The following AMPD3 variants were observed in gnomAD, a reference collection of about 807,000 sequenced individuals.
AMPD3 encodes the protein AMP deaminase 3.
AMPD3 carries 57 observed loss-of-function variants against 82.3 expected under a neutral mutation model. The ratio of observed to expected loss-of-function variants is 0.69; its 90% CI spans 0.56 to 0.86. The LOEUF (loss-of-function observed/expected upper bound fraction) is 0.86. Ranked by LOEUF, AMPD3 falls within the 40% of genes least tolerant of loss-of-function variation. The pLI is 0.00. For missense variants in AMPD3, 870 were observed against 1,003.8 expected, an observed-to-expected ratio of 0.87 and a Z score of 1.80; for synonymous variants, 381 against 394.7, an observed-to-expected ratio of 0.97 and a Z score of 0.41.
intron 2 of AMPD3, among the ~76,000 whole-genome samples, chr11:10,466,445 C>T (rs1325513349): frequency 6.6e-6 from 1 of 152,058 alleles, no homozygotes; most frequent in African/African-American, 2.4e-5. Context: ...CTAGGTGGAA[C>T]CCACCGCAGC....
intron 6 of AMPD3, among the ~76,000 whole-genome samples, chr11:10,490,059 C>T (rs190747185): frequency 1.4e-3 from 210 of 152,184 alleles, no homozygotes; most frequent in Non-Finnish European, 2.6e-3. Context: ...TGATGGCCTC[C>T]GTATGTCTAA....
Position 10,501,503 on chromosome 11 carries a change from G to T in AMPD3, c.1755G>T (p.Pro585=). The change falls in exon 12 of 15, where the codon CCG becomes CCT. Residue 585 remains proline (P), a synonymous_variant. Transcript: ENST00000396553. ...ERGLSTFLFR[P]HCGEAGSITH... The stretch of plus-strand genomic sequence containing the variant: ...GCCTGAGCACGTTCCTGTTCCGGCC[G>T]CACTGTGGGGAAGCCGGCTCCATCA... 2 of 1,614,086 alleles carry T rather than the reference G, an allele frequency of 1.2e-6. No individual in the cohort carries two copies. Among genetic ancestry groups the T allele is most frequent in the Non-Finnish European group, 8.5e-7 (1 of 1,180,012 alleles).
chr11:10,476,420 G>C (rs11042831), intron 2 of AMPD3, among the ~76,000 whole-genome samples: 7,823 of 152,140 alleles, frequency 0.051, 372 homozygotes, highest in South Asian at 0.22. Flanking sequence ...GGACAAGCCT[G>C]GTAGGCTGTT....
chr11:10,501,967 G>A, intron 12 of AMPD3: 1 of 985,372 alleles, frequency 1.0e-6, no homozygotes, highest in Non-Finnish European at 1.2e-6. Context: ...TTTTGATGCT[G>A]CAACGTAATA....
chr11:10,468,761 A>G (rs1281194220), intron 2 of AMPD3, among the ~76,000 whole-genome samples: 1 of 152,212 alleles, frequency 6.6e-6, no homozygotes, highest in Non-Finnish European at 1.5e-5. Flanking sequence ...TCCTCAGCAA[A>G]CGCAAAAGAA....
At chr11:10,492,633 G>A (rs756411800) in intron 6 of AMPD3, among the ~76,000 whole-genome samples, 1 of 152,180 alleles carries the variant, frequency 6.6e-6, no homozygotes, top group African/African-American at 2.4e-5. Flanking sequence ...TCTGGGGTAG[G>A]TGCTGAAGAC....
chr11:10,476,462 A>C (rs1259112972), intron 2 of AMPD3, among the ~76,000 whole-genome samples: 1 of 101,830 alleles, frequency 9.8e-6, no homozygotes, highest in Non-Finnish European at 2.3e-5. Context: ...TTTGGGCTGT[A>C]GTGTTTTTTT....
At chr11:10,470,543 C>T (rs567051043) in intron 2 of AMPD3, among the ~76,000 whole-genome samples, 37 of 152,196 alleles carry the variant, frequency 2.4e-4, no homozygotes, top group Middle Eastern at 3.2e-3. Flanking sequence ...TTGTGGATGA[C>T]ATGATTGTAT....
At chr11:10,482,670 C>A (rs926938419) in intron 4 of AMPD3, among the ~76,000 whole-genome samples, 1 of 127,136 alleles carries the variant, frequency 7.9e-6, no homozygotes, top group African/African-American at 3.1e-5. Context: ...CACCGCCACA[C>A]CCAGCTAATT....
At chr11:10,493,803 T>C (rs1348628129) in intron 7 of AMPD3, 2 of 560,348 alleles carry the variant, frequency 3.6e-6, no homozygotes, top group Non-Finnish European at 6.4e-6. Flanking sequence ...TTTGTGCCCT[T>C]AGGCAACTCA....
At chr11:10,504,425 C>T in intron 13 of AMPD3, 124 bp from the exon 14 acceptor site, 2 of 1,074,958 alleles carry the variant, frequency 1.9e-6, no homozygotes, top group Non-Finnish European at 2.9e-6. Context: ...GTTTGATGAT[C>T]CAGGTGCCAT....
rs775865608 is a variant in AMPD3, at chr11:10,501,457, C to T, written c.1722-13C>T. The T allele has an allele frequency of 5.6e-6, 9 of 1,612,978 alleles. No homozygotes were observed. Among genetic ancestry groups the T allele is most frequent in the Non-Finnish European group, 7.6e-6 (9 of 1,179,112 alleles). On this transcript the variant is annotated splice_polypyrimidine_tract_variant and intron_variant, in intron 11 of 14. Transcript: ENST00000396553. Reference sequence around the variant, plus strand: ...GGGGGGCCTTCCTGATTCGGAAACCCCTTCTCTTACAGGGAGCGCGGCCTG... The same window carrying T: ...GGGGGGCCTTCCTGATTCGGAAACCTCTTCTCTTACAGGGAGCGCGGCCTG...
At chr11:10,455,821 C>A in intron 1 of AMPD3, 1 of 848,352 alleles carries the variant, frequency 1.2e-6, no homozygotes, top group Non-Finnish European at 1.4e-6. Flanking sequence ...GGGAGGGCTG[C>A]TTTAGGGGGG....
intron 2 of AMPD3, chr11:10,473,347 T>C: frequency 2.1e-6 from 2 of 971,892 alleles, no homozygotes; most frequent in Non-Finnish European, 2.4e-6. Context: ...AGATTGCACT[T>C]CATTTTCATC....
intron 2 of AMPD3, among the ~76,000 whole-genome samples, chr11:10,465,714 A>G (rs184182115): frequency 1.7e-4 from 26 of 152,164 alleles, no homozygotes; most frequent in Non-Finnish European, 3.4e-4. Flanking sequence ...GGTCCTTGCA[A>G]CCTGCAGACC....
In AMPD3 at chr11:10,478,714, G is replaced by T; in HGVS notation, c.410G>T (p.Gly137Val). The part of the protein sequence containing the change: ...MPEFQRVTIS[G>V]DYCAGITLED... ...GAGTTCCAGCGGGTCACCATCAGCG[G>T]AGATTACTGTGCCGGGGTAAGGCGT... Residue 137 changes from glycine (G) to valine (V), a missense_variant, in exon 3 of 15, where the codon GGA (glycine) becomes GTA (valine). Coordinates refer to ENST00000396553, the MANE Select transcript of AMPD3 (RefSeq NM_001025389.2). The T allele has an allele frequency of 6.2e-7, 1 of 1,613,294 alleles. No individual in the cohort carries two copies. Among genetic ancestry groups the T allele is most frequent in the Non-Finnish European group, 8.5e-7 (1 of 1,180,044 alleles).
At chr11:10,486,847 C>A (rs1564849950) in intron 5 of AMPD3, 1 of 985,404 alleles carries the variant, frequency 1.0e-6, no homozygotes, top group East Asian at 1.1e-4. Context: ...CACTGAGCAT[C>A]CACTCTGCTT....
At chr11:10,500,883 C>T in intron 11 of AMPD3, 1 of 985,428 alleles carries the variant, frequency 1.0e-6, no homozygotes, top group Admixed American at 6.1e-5. Flanking sequence ...GTCTTGCATC[C>T]CACTTTCCCC....
chr11:10,477,626 A>G (rs941523709), intron 2 of AMPD3, among the ~76,000 whole-genome samples: 1 of 152,154 alleles, frequency 6.6e-6, no homozygotes, highest in African/African-American at 2.4e-5. Context: ...TGCCAAGGCA[A>G]CAGGTCCAGA....
Sources: allele counts gnomAD v4.1 joint callset (sites outside exome capture counted in the v4.1 genomes callset), GRCh38; gene constraint gnomAD v4.1.1; transcripts MANE v1.5; gene names NCBI Gene and HGNC (gene_info 2026-07-23, HGNC 2026-07-21).